The following KCNMA1 variants were observed in gnomAD, a reference collection of about 807,000 sequenced individuals.
The protein encoded by KCNMA1 is potassium calcium-activated channel subfamily M alpha 1, also known as Calcium-activated potassium channel subunit alpha-1.
A neutral mutation model predicts 140.0 loss-of-function variants in KCNMA1; 29 were observed. The observed-to-expected ratio is 0.21, with a 90% CI of 0.15 to 0.28. KCNMA1 has a LOEUF of 0.28. Among genes scored for constraint, KCNMA1 ranks in the 10% least tolerant of loss-of-function variants. The pLI is 1.00. For missense variants in KCNMA1, 880 were observed against 1,602.2 expected (o/e 0.55, Z 7.70); for synonymous variants, 612 against 611.9 (o/e 1.00, Z 0.00).
At chr10:77,312,973 C>T (rs1054928114) in intron 2 of KCNMA1, among the ~76,000 whole-genome samples, 7 of 152,168 alleles carry the variant, frequency 4.6e-5, no homozygotes, top group Non-Finnish European at 8.8e-5. Flanking sequence ...AATTGACACA[C>T]GGCCACTCTC....
At chr10:77,133,880 C>T (rs1300878083) in intron 5 of KCNMA1, among the ~76,000 whole-genome samples, 2 of 151,958 alleles carry the variant, frequency 1.3e-5, no homozygotes, top group Non-Finnish European at 2.9e-5. Flanking sequence ...ATCTAAAATG[C>T]AAAAATCATC....
At chr10:77,445,979 A>G (rs1322859146) in intron 1 of KCNMA1, among the ~76,000 whole-genome samples, 2 of 152,188 alleles carry the variant, frequency 1.3e-5, no homozygotes, top group African/African-American at 4.8e-5. Context: ...AGAGATAAAC[A>G]CAAGAGGCTG....
chr10:77,165,546 T>C (rs1470986293), intron 5 of KCNMA1, among the ~76,000 whole-genome samples: 13 of 152,184 alleles, frequency 8.5e-5, no homozygotes, highest in Non-Finnish European at 1.5e-5. Context: ...GGAGATAAAA[T>C]GATAATGCAA....
At chr10:77,553,093 G>T (rs950582866) in intron 1 of KCNMA1, among the ~76,000 whole-genome samples, 1 of 152,088 alleles carries the variant, frequency 6.6e-6, no homozygotes, top group East Asian at 1.9e-4. Context: ...GTGGGGAGGC[G>T]GGGAGAAAGC....
At chr10:77,632,272 G>C (rs1266825679) in intron 1 of KCNMA1, among the ~76,000 whole-genome samples, 2 of 152,172 alleles carry the variant, frequency 1.3e-5, no homozygotes, top group Non-Finnish European at 2.9e-5. Flanking sequence ...GGCCTAGGGG[G>C]TGTCTTGGAA....
Position 77,409,367 on chromosome 10 carries a change from G to A in KCNMA1, c.379-5344C>T, listed in dbSNP as rs568082675. 2.0e-4 allele frequency among the ~76,000 whole-genome samples: 31 copies of A among 152,292 alleles called. 1 individual carries two copies. The South Asian group carries it at 6.4e-3, about 32-fold the overall frequency. Reference sequence around the variant, plus strand: ...CAGATGAGAAAACTGAGGCCCAGAGGGAAAGCCACAAGCTCAGGGCCACCC... The same window carrying A: ...CAGATGAGAAAACTGAGGCCCAGAGAGAAAGCCACAAGCTCAGGGCCACCC... On this transcript the variant is annotated intron_variant, in intron 1 of 27. Transcript: ENST00000286628.
At chr10:77,310,077 C>T (rs1481816264) in intron 2 of KCNMA1, among the ~76,000 whole-genome samples, 1 of 152,102 alleles carries the variant, frequency 6.6e-6, no homozygotes, top group Non-Finnish European at 1.5e-5. Flanking sequence ...TTTGTAAAGG[C>T]ATTGAAGGCA....
intron 7 of KCNMA1, among the ~76,000 whole-genome samples, chr10:77,110,884 C>T (rs938151594): frequency 6.6e-6 from 1 of 152,174 alleles, no homozygotes; most frequent in Admixed American, 6.5e-5. Context: ...TGGAATCTGG[C>T]CCTGCTCTCC....
intron 1 of KCNMA1, among the ~76,000 whole-genome samples, chr10:77,406,870 G>T (rs1163444402): frequency 6.6e-6 from 1 of 152,146 alleles, no homozygotes; most frequent in Non-Finnish European, 1.5e-5. Flanking sequence ...ATAGCTCCCT[G>T]CTCCTCAGTC....
intron 1 of KCNMA1, among the ~76,000 whole-genome samples, chr10:77,493,018 A>C (rs1247942862): frequency 6.6e-6 from 1 of 152,228 alleles, no homozygotes; most frequent in African/African-American, 2.4e-5. Flanking sequence ...CAGGTAGCTG[A>C]ACACAAGTCT....
At chr10:76,970,572 G>C (rs1002208517) in intron 19 of KCNMA1, 18 of 191,766 alleles carry the variant, frequency 9.4e-5, no homozygotes, top group African/African-American at 4.3e-4. Context: ...GCGTTGAAAA[G>C]AGGCAAGGAT....
chr10:77,393,073 A>G (rs551930772), intron 2 of KCNMA1, among the ~76,000 whole-genome samples: 1 of 152,356 alleles, frequency 6.6e-6, no homozygotes, highest in South Asian at 2.1e-4. Flanking sequence ...CAATTTGACA[A>G]TGGTGAGTCA....
intron 1 of KCNMA1, among the ~76,000 whole-genome samples, chr10:77,624,092 A>T (rs1329950262): frequency 6.6e-6 from 1 of 152,188 alleles, no homozygotes; most frequent in Non-Finnish European, 1.5e-5. Context: ...CAGTTATCTT[A>T]TCCCTGCTTT....
chr10:77,287,544 C>T (rs746090567), intron 2 of KCNMA1, among the ~76,000 whole-genome samples: 3 of 152,208 alleles, frequency 2.0e-5, no homozygotes, highest in Non-Finnish European at 4.4e-5. Context: ...CTGGGAATTA[C>T]CTGGTTTGTG....
At chr10:77,483,038 A>ACC (rs1272841400) in intron 1 of KCNMA1, among the ~76,000 whole-genome samples, 1 of 114,086 alleles carries the variant, frequency 8.8e-6, no homozygotes, top group African/African-American at 3.4e-5. Flanking sequence ...ACACACACAC[A>ACC]CACCCCTTGT....
At chr10:77,524,700 G>GT (rs1431408532) in intron 1 of KCNMA1, among the ~76,000 whole-genome samples, 4 of 152,120 alleles carry the variant, frequency 2.6e-5, no homozygotes. Context: ...TTTATTTAGG[G>GT]TGGCAGCTCG....
At chr10:76,958,725 G>C (rs1408424592) in intron 20 of KCNMA1, among the ~76,000 whole-genome samples, 8 of 152,090 alleles carry the variant, frequency 5.3e-5, no homozygotes, top group Admixed American at 5.2e-4. Context: ...CAAGAAGAGA[G>C]GCCTGAAACA....
intron 17 of KCNMA1, chr10:77,012,469 T>A (rs1168511521): frequency 1.3e-6 from 2 of 1,550,252 alleles, no homozygotes; most frequent in Non-Finnish European, 1.7e-6. Flanking sequence ...GGCAGAAGTA[T>A]GTCGTTTCTC....
intron 1 of KCNMA1, among the ~76,000 whole-genome samples, chr10:77,560,550 C>T (rs7095028): frequency 0.015 from 2,237 of 152,260 alleles, 62 homozygotes; most frequent in African/African-American, 0.051. Context: ...ATGCAGCCTG[C>T]GGACTTTGCT....
Sources: gnomAD v4.1 joint callset for allele counts (sites outside exome capture counted in the v4.1 genomes callset) on GRCh38, gnomAD v4.1.1 for gene constraint, MANE v1.5 for transcripts, NCBI Gene and HGNC (gene_info 2026-07-23, HGNC 2026-07-21) for gene names.